Variants in CDH12 observed in about 807,000 individuals in gnomAD.
CDH12 encodes the protein cadherin 12.
In CDH12, 41 loss-of-function variants were observed where a neutral mutation model predicts 74.1. The ratio of observed to expected loss-of-function variants is 0.55; its 90% CI spans 0.43 to 0.72. CDH12 has a LOEUF of 0.72. CDH12 is among the 30% of genes least tolerant of loss of function. The pLI is 0.00. For synonymous variants in CDH12, 399 were observed against 355.0 expected (o/e 1.12, Z -1.39); for missense variants, 945 against 977.2 (o/e 0.97, Z 0.44).
chr5:22,488,853 T>C (rs992893525), intron 2 of CDH12, among the ~76,000 whole-genome samples: 1 of 152,024 alleles, frequency 6.6e-6, no homozygotes, highest in Non-Finnish European at 1.5e-5. Flanking sequence ...CCAATACTGG[T>C]ACTTCCCTAT....
At chr5:22,370,304 A>C (rs1211850077) in intron 3 of CDH12, among the ~76,000 whole-genome samples, 2 of 152,174 alleles carry the variant, frequency 1.3e-5, no homozygotes, top group Admixed American at 6.5e-5. Context: ...GATCATTAAA[A>C]TTGGCTTAGG....
chr5:22,386,641 G>GA (rs1252341443), intron 3 of CDH12, among the ~76,000 whole-genome samples: 1 of 151,532 alleles, frequency 6.6e-6, no homozygotes, highest in Non-Finnish European at 1.5e-5. Context: ...TATTATCAGG[G>GA]AAAAAAATCA....
intron 5 of CDH12, among the ~76,000 whole-genome samples, chr5:22,070,984 TG>T (rs1741901013): frequency 6.6e-6 from 1 of 151,790 alleles, no homozygotes; most frequent in Non-Finnish European, 1.5e-5. Flanking sequence ...CAGGGGTGGA[TG>T]GGGAGGGAGA....
At chr5:21,811,798 T>C (rs2149937663) in intron 9 of CDH12, among the ~76,000 whole-genome samples, 1 of 142,692 alleles carries the variant, frequency 7.0e-6, no homozygotes, top group African/African-American at 2.5e-5. Flanking sequence ...TGTTTTGTTT[T>C]ACCAATATCT....
At chr5:22,609,376 C>A (rs1472779129) in intron 1 of CDH12, among the ~76,000 whole-genome samples, 1 of 152,206 alleles carries the variant, frequency 6.6e-6, no homozygotes, top group African/African-American at 2.4e-5. Context: ...TTTCAGCACT[C>A]ATCACACACT....
intron 5 of CDH12, among the ~76,000 whole-genome samples, chr5:21,991,515 T>A (rs1757749343): frequency 1.0e-3 from 2 of 1,966 alleles, no homozygotes; most frequent in Admixed American, 5.7e-3. Context: ...ATATATATGT[T>A]TGTTATATAT....
intron 1 of CDH12, among the ~76,000 whole-genome samples, chr5:22,549,858 A>G (rs1232321031): frequency 6.6e-6 from 1 of 152,206 alleles, no homozygotes; most frequent in Non-Finnish European, 1.5e-5. Flanking sequence ...ACCTTCAACT[A>G]TGGGTCTCAT....
intron 1 of CDH12, among the ~76,000 whole-genome samples, chr5:22,703,524 C>A (rs1742829100): frequency 6.6e-6 from 1 of 152,022 alleles, no homozygotes; most frequent in Admixed American, 6.6e-5. Flanking sequence ...GAGTGAGTGT[C>A]TAAGTAAAAA....
chr5:22,267,106 T>C (rs1249817751), intron 3 of CDH12, among the ~76,000 whole-genome samples: 2 of 152,312 alleles, frequency 1.3e-5, no homozygotes, highest in East Asian at 3.9e-4. Context: ...TCACTTTCCC[T>C]AGTGTATTCA....
chr5:22,388,936 C>T (rs1323263755), intron 3 of CDH12, among the ~76,000 whole-genome samples: 1 of 152,176 alleles, frequency 6.6e-6, no homozygotes, highest in African/African-American at 2.4e-5. Flanking sequence ...CAAAGTGCCA[C>T]AGCTGGAGTT....
intron 2 of CDH12, among the ~76,000 whole-genome samples, chr5:22,456,200 G>C (rs1040376652): frequency 2.6e-5 from 4 of 150,960 alleles, no homozygotes; most frequent in East Asian, 3.9e-4. Flanking sequence ...AATGAGTTTT[G>C]AGTATTCATT....
At chr5:21,925,797 A>G (rs571437102) in intron 6 of CDH12, among the ~76,000 whole-genome samples, 328 of 152,296 alleles carry the variant, frequency 2.2e-3, no homozygotes, top group Non-Finnish European at 3.5e-3. Flanking sequence ...AAGAGTGAGT[A>G]TATGCACATA....
intron 1 of CDH12, among the ~76,000 whole-genome samples, chr5:22,718,451 C>T (rs1743700242): frequency 6.6e-6 from 1 of 152,086 alleles, no homozygotes; most frequent in Non-Finnish European, 1.5e-5. Flanking sequence ...TGAGCTTTGG[C>T]TTAAGGAATA....
intron 1 of CDH12, among the ~76,000 whole-genome samples, chr5:22,783,215 C>A (rs1747469274): frequency 6.6e-6 from 1 of 151,980 alleles, no homozygotes; most frequent in African/African-American, 2.4e-5. Flanking sequence ...TATGCACGTG[C>A]CACTTTAAAT....
At chr5:22,808,205 C>T (rs1748917564) in intron 1 of CDH12, among the ~76,000 whole-genome samples, 1 of 152,168 alleles carries the variant, frequency 6.6e-6, no homozygotes, top group Non-Finnish European at 1.5e-5. Context: ...GAATTAATTA[C>T]ACTCATGCTA....
intron 3 of CDH12, among the ~76,000 whole-genome samples, chr5:22,367,717 T>C (rs1327244652): frequency 6.6e-6 from 1 of 152,184 alleles, no homozygotes; most frequent in Non-Finnish European, 1.5e-5. Context: ...TAGAAGCCCA[T>C]TCCTCTCTAA....
intron 3 of CDH12, among the ~76,000 whole-genome samples, chr5:22,315,601 G>C (rs2150432689): frequency 6.6e-6 from 1 of 152,186 alleles, no homozygotes; most frequent in East Asian, 1.9e-4. Flanking sequence ...GAAAGGTGAA[G>C]GTCTAGAAAA....
chr5:22,555,504 C>G (rs143834920), intron 1 of CDH12, among the ~76,000 whole-genome samples: 207 of 151,872 alleles, frequency 1.4e-3, no homozygotes, highest in African/African-American at 4.9e-3. Flanking sequence ...TCCAGAAGGA[C>G]AAAATGTTGC....
chr5:21,965,996 T>A (rs1356547915), intron 6 of CDH12, among the ~76,000 whole-genome samples: 1 of 152,122 alleles, frequency 6.6e-6, no homozygotes, highest in Non-Finnish European at 1.5e-5. Context: ...GTCTATAACA[T>A]TGAAAGACTG....
Sources: allele counts gnomAD v4.1 joint callset (sites outside exome capture counted in the v4.1 genomes callset), GRCh38; gene constraint gnomAD v4.1.1; transcripts MANE v1.5; gene names NCBI Gene and HGNC (gene_info 2026-07-23, HGNC 2026-07-21).